The following NRXN1 variants were observed in gnomAD, a reference collection of about 807,000 sequenced individuals.
The protein encoded by NRXN1 is neurexin-1.
A neutral mutation model predicts 150.9 loss-of-function variants in NRXN1; 39 were observed. The ratio of observed to expected loss-of-function variants is 0.26; its 90% confidence interval spans 0.20 to 0.34. NRXN1 has a LOEUF of 0.34. Ranked by LOEUF, NRXN1 falls within the 10% of genes least tolerant of loss-of-function variation. The pLI is 1.00. For synonymous variants in NRXN1, 924 were observed against 757.0 expected (o/e 1.22, Z -3.62); for missense variants, 1,815 against 1,949.9 (o/e 0.93, Z 1.30).
chr2:51,008,990 T>C (rs1052165136), intron 2 of NRXN1, among the ~76,000 whole-genome samples: 7 of 151,888 alleles, frequency 4.6e-5, no homozygotes, highest in African/African-American at 1.7e-4. Flanking sequence ...GTATAACTAA[T>C]TTGTGGAAAG....
chr2:50,554,063 G>C (rs1162343518), intron 8 of NRXN1, among the ~76,000 whole-genome samples: 2 of 152,072 alleles, frequency 1.3e-5, no homozygotes, highest in Non-Finnish European at 2.9e-5. Flanking sequence ...CCACATAGCT[G>C]TCTAGGCTCT....
At chr2:50,050,802 A>G (rs900961020) in intron 21 of NRXN1, among the ~76,000 whole-genome samples, 67 of 151,968 alleles carry the variant, frequency 4.4e-4, no homozygotes, top group Admixed American at 2.8e-3. Flanking sequence ...TTCCCCATAC[A>G]TACATGTGTT....
chr2:50,778,472 T>C (rs1365233187), intron 5 of NRXN1, among the ~76,000 whole-genome samples: 1 of 152,166 alleles, frequency 6.6e-6, no homozygotes, highest in Non-Finnish European at 1.5e-5. Context: ...ATATGGGGCA[T>C]AATGGTAGCA....
chr2:51,013,327 T>C (rs982913506), intron 2 of NRXN1, among the ~76,000 whole-genome samples: 3 of 151,956 alleles, frequency 2.0e-5, no homozygotes, highest in South Asian at 4.1e-4. Flanking sequence ...GACACCAATG[T>C]GCAACAACAG....
At chr2:51,031,220 A>T (rs370459627) in intron 1 of NRXN1, among the ~76,000 whole-genome samples, 1 of 152,100 alleles carries the variant, frequency 6.6e-6, no homozygotes, top group Non-Finnish European at 1.5e-5. Context: ...AGGATGAAAT[A>T]AAGGGATCTG....
rs530092945 is a variant in NRXN1, at chr2:50,202,523, C to CA, written c.3546+34265dup. Among the ~76,000 whole-genome samples, 41 of 149,212 alleles carry CA rather than the reference C, an allele frequency of 2.7e-4. No homozygotes were observed. The South Asian group carries it at 3.6e-3, about 13-fold the overall frequency. ...TCCATCTCACAAAAACAAAACAAAA[C>CA]AAAAAAAAAGGAGGCAATGGACTTG... On this transcript the variant is annotated intron_variant, in intron 18 of 22. Transcript: ENST00000401669.
chr2:50,036,017 C>T (rs1256053332), intron 21 of NRXN1, among the ~76,000 whole-genome samples: 4 of 152,220 alleles, frequency 2.6e-5, no homozygotes, highest in African/African-American at 9.6e-5. Context: ...AATAGCACAA[C>T]CTTTACCTAG....
At chr2:50,342,540 T>C (rs2077623581) in intron 17 of NRXN1, among the ~76,000 whole-genome samples, 1 of 152,154 alleles carries the variant, frequency 6.6e-6, no homozygotes, top group Non-Finnish European at 1.5e-5. Flanking sequence ...AGTAAAGGGA[T>C]TACTCTATGA....
chr2:50,605,561 G>A (rs1356127821), intron 8 of NRXN1, among the ~76,000 whole-genome samples: 2 of 152,170 alleles, frequency 1.3e-5, no homozygotes, highest in East Asian at 1.9e-4. Context: ...CCAGAGAAAT[G>A]CAAATTAAAA....
At position 49,922,241 on chromosome 2, in the gene NRXN1, G is replaced by T. The variant is rs199770578; in HGVS notation, c.4227C>A (p.Thr1409=). 1.2e-6 allele frequency: 2 copies of T among 1,613,540 alleles called. No homozygotes were observed. Among genetic ancestry groups the T allele is most frequent in the Non-Finnish European group, 1.7e-6 (2 of 1,179,694 alleles). ...EPSSGGLANP[T]RAGGREPYPG... ...GATACGGCTCTCTGCCGCCTGCTCGGGTTGGGTTGGCTATAGAAAAGAGGA... is the reference window on the plus strand; with the variant it reads ...GATACGGCTCTCTGCCGCCTGCTCGTGTTGGGTTGGCTATAGAAAAGAGGA... The change falls in exon 23 of 23, where the codon ACC becomes ACA. Residue 1409 remains threonine (T), a synonymous_variant. Coordinates refer to ENST00000401669, the MANE Select transcript of NRXN1 (RefSeq NM_001330078.2).
At chr2:50,601,822 C>G (rs1165586632) in intron 8 of NRXN1, among the ~76,000 whole-genome samples, 1 of 152,140 alleles carries the variant, frequency 6.6e-6, no homozygotes, top group Non-Finnish European at 1.5e-5. Context: ...CTGCATAAGA[C>G]AGGTCTGCTC....
intron 5 of NRXN1, among the ~76,000 whole-genome samples, chr2:50,710,877 G>C (rs1043550745): frequency 3.3e-5 from 5 of 152,042 alleles, no homozygotes; most frequent in Non-Finnish European, 7.4e-5. Context: ...CACATCTTTA[G>C]ACCTTATTAA....
intron 17 of NRXN1, among the ~76,000 whole-genome samples, chr2:50,293,129 T>C (rs1175199025): frequency 6.6e-6 from 1 of 152,172 alleles, no homozygotes; most frequent in Non-Finnish European, 1.5e-5. Context: ...GGAATCTGCA[T>C]GATTTTATCT....
intron 2 of NRXN1, among the ~76,000 whole-genome samples, chr2:50,973,963 T>C (rs76404273): frequency 0.033 from 5,045 of 151,834 alleles, 273 homozygotes; most frequent in East Asian, 0.25. Context: ...GAATAAAATA[T>C]GCAGTCCTTG....
chr2:50,980,430 G>A lies in NRXN1; in HGVS notation c.772+47072C>T, dbSNP rs1230928619. On this transcript the variant is annotated intron_variant, in intron 2 of 22. Transcript: ENST00000401669. Reference sequence around the variant, plus strand: ...GCCATTGCATTACAATATTTTGACAGCTTTTGGCTTAGAAATTAGAAAATA... The same window carrying A: ...GCCATTGCATTACAATATTTTGACAACTTTTGGCTTAGAAATTAGAAAATA... Among the ~76,000 whole-genome samples, 6 of 152,196 alleles carry A rather than the reference G, an allele frequency of 3.9e-5. No individual in the cohort carries two copies. In the East Asian group the frequency reaches 1.2e-3, roughly 29 times the overall value.
chr2:51,024,407 C>A (rs1485902389), intron 2 of NRXN1, among the ~76,000 whole-genome samples: 1 of 151,990 alleles, frequency 6.6e-6, no homozygotes, highest in Non-Finnish European at 1.5e-5. Context: ...TAATCTCAAC[C>A]CGAATGAACT....
chr2:50,197,167 A>G (rs1186676917), intron 18 of NRXN1, among the ~76,000 whole-genome samples: 2 of 152,164 alleles, frequency 1.3e-5, no homozygotes, highest in African/African-American at 4.8e-5. Context: ...ATTTCAAAGG[A>G]AACTATACTT....
intron 21 of NRXN1, among the ~76,000 whole-genome samples, chr2:50,041,073 G>A (rs1049640636): frequency 6.6e-6 from 1 of 151,968 alleles, no homozygotes; most frequent in East Asian, 1.9e-4. Context: ...CAAACCCACA[G>A]CCAATATTAA....
intron 8 of NRXN1, among the ~76,000 whole-genome samples, chr2:50,560,886 A>C (rs1668974558): frequency 6.6e-6 from 1 of 152,192 alleles, no homozygotes; most frequent in African/African-American, 2.4e-5. Context: ...CTCCAAACCC[A>C]AATACCAAAA....
Sources: gnomAD v4.1 joint callset for allele counts (sites outside exome capture counted in the v4.1 genomes callset) on GRCh38, gnomAD v4.1.1 for gene constraint, MANE v1.5 for transcripts, NCBI Gene and HGNC (gene_info 2026-07-23, HGNC 2026-07-21) for gene names.